Variants in PAPOLA observed in about 807,000 individuals in gnomAD.
PAPOLA encodes poly(A) polymerase alpha, also known as polynucleotide adenylyltransferase alpha.
A neutral mutation model predicts 100.6 loss-of-function variants in PAPOLA; 15 were observed. The ratio of observed to expected loss-of-function variants is 0.15; its 90% CI spans 0.10 to 0.23. The LOEUF is 0.23. PAPOLA is among the 10% of genes least tolerant of loss of function. The pLI is 1.00. For missense variants in PAPOLA, 533 were observed against 884.2 expected, an observed-to-expected ratio of 0.60 and a Z score of 5.04; for synonymous variants, 293 against 300.0, an observed-to-expected ratio of 0.98 and a Z score of 0.24.
intron 3 of PAPOLA, 97 bp from the exon 4 acceptor site, chr14:96,525,213 A>T: frequency 3.0e-6 from 2 of 666,676 alleles, no homozygotes; most frequent in East Asian, 2.9e-5. Context: ...TTTACACTGT[A>T]ATCTTTCTTG....
intron 16 of PAPOLA, among the ~76,000 whole-genome samples, chr14:96,550,387 T>C (rs1261635076): frequency 2.0e-5 from 3 of 152,212 alleles, no homozygotes; most frequent in Non-Finnish European, 4.4e-5. Flanking sequence ...AACCATCTTG[T>C]GTACATTTTA....
intron 1 of PAPOLA, among the ~76,000 whole-genome samples, chr14:96,507,025 G>A (rs1437935098): frequency 6.6e-6 from 1 of 152,140 alleles, no homozygotes; most frequent in Non-Finnish European, 1.5e-5. Flanking sequence ...GCCGAGGTGG[G>A]AGGATTATTT....
chr14:96,542,944 A>G lies in PAPOLA; in HGVS notation c.1289+51A>G, dbSNP rs78156026. On this transcript the variant is annotated intron_variant, in intron 14 of 21. Coordinates refer to ENST00000216277, the MANE Select transcript of PAPOLA (RefSeq NM_032632.5). ...TTCTTCCCATTTCCAATTTTTATTC[A>G]TAGAAGCTTTTACAGGCATTTTTTA... The G allele has an allele frequency of 1.2e-3, 1,919 of 1,595,998 alleles. 16 individuals carry two copies. The African/African-American group carries it at 0.022, about 18-fold the overall frequency.
chr14:96,565,064 G>T lies in PAPOLA; in HGVS notation c.*14G>T. On this transcript the variant is annotated 3_prime_UTR_variant, in exon 22 of 22. Transcript: ENST00000216277. ...TTGAATCGGTAAAAACAACCTCAGG[G>T]GTCCATAAACAATATCTGCCAACTC... 7.5e-7 allele frequency: 1 copy of T among 1,327,390 alleles called. No homozygotes were observed. The highest frequency in any genetic ancestry group is 1.1e-6 in the Non-Finnish European group (1 of 919,286). 82.2% of individuals were successfully genotyped at this position (1,327,390 alleles called of 1,614,324 possible).
intron 14 of PAPOLA, among the ~76,000 whole-genome samples, chr14:96,543,465 A>G (rs1900154978): frequency 6.6e-6 from 1 of 152,210 alleles, no homozygotes; most frequent in African/African-American, 2.4e-5. Flanking sequence ...ATTGGAGAGT[A>G]CTAGTAATGA....
At chr14:96,559,735 A>G (rs1037154576) in intron 19 of PAPOLA, among the ~76,000 whole-genome samples, 2 of 151,400 alleles carry the variant, frequency 1.3e-5, no homozygotes, top group African/African-American at 2.4e-5. Flanking sequence ...ACAGTTAACA[A>G]CTCACAGCCA....
chr14:96,530,896 C>A (rs59323239), intron 6 of PAPOLA, among the ~76,000 whole-genome samples: 16,624 of 151,782 alleles, frequency 0.11, 1,015 homozygotes, highest in South Asian at 0.17. Context: ...CTTACCGCAA[C>A]CTCCGCCTTC....
chr14:96,555,128 CT>C (rs1169624813), intron 17 of PAPOLA, among the ~76,000 whole-genome samples: 1 of 149,824 alleles, frequency 6.7e-6, no homozygotes, highest in African/African-American at 2.5e-5. Flanking sequence ...ACTGGATGGG[CT>C]TTTAGGGTTT....
chr14:96,566,462 G>A lies in PAPOLA; in HGVS notation c.*1412G>A, dbSNP rs945533204. The A allele has an allele frequency of 7.2e-5, 11 of 152,518 alleles. No homozygotes were observed. Among genetic ancestry groups the A allele is most frequent in the African/African-American group, 2.7e-4 (11 of 41,424 alleles). The allele number at this position is 152,518 out of a possible 1,614,324, so 9.4% of individuals were successfully genotyped here. A position where few individuals can be genotyped will look rare whatever the true frequency, so the allele number is the denominator to read the frequency against. On this transcript the variant is annotated 3_prime_UTR_variant, in exon 22 of 22. Coordinates refer to ENST00000216277, the MANE Select transcript of PAPOLA (RefSeq NM_032632.5). ...AGTCGACTTAACAGATTTTTCTGAT[G>A]AGCATGTTTTATGAATCCTCCATTG...
intron 7 of PAPOLA, 45 bp from the exon 8 acceptor site, chr14:96,532,286 G>A (rs200757786): frequency 8.4e-6 from 4 of 473,766 alleles, no homozygotes; most frequent in Non-Finnish European, 1.2e-5. Flanking sequence ...GTTTTGTTTT[G>A]TGTGTGTGTG....
chr14:96,550,936 G>C (rs778630932), intron 16 of PAPOLA, among the ~76,000 whole-genome samples: 27 of 152,146 alleles, frequency 1.8e-4, no homozygotes, highest in Non-Finnish European at 2.1e-4. Flanking sequence ...CATGGGTATT[G>C]TCTTTAGTAG....
intron 2 of PAPOLA, among the ~76,000 whole-genome samples, chr14:96,520,496 C>T (rs200934042): frequency 6.6e-6 from 1 of 152,158 alleles, no homozygotes; most frequent in East Asian, 1.9e-4. Context: ...CTGCCTCAGC[C>T]TCTCGAGTAG....
chr14:96,531,794 A>G (rs1899043395), intron 7 of PAPOLA: 1 of 1,439,812 alleles, frequency 6.9e-7, no homozygotes, highest in Non-Finnish European at 9.0e-7. Context: ...TTCTTCTGTC[A>G]TTAATGGTAT....
chr14:96,507,069 T>C (rs772179116), intron 1 of PAPOLA, among the ~76,000 whole-genome samples: 6 of 152,158 alleles, frequency 3.9e-5, no homozygotes, highest in Non-Finnish European at 8.8e-5. Flanking sequence ...CTGGGTGACA[T>C]AGCCATCTCC....
chr14:96,549,137 C>T (rs566984896), intron 16 of PAPOLA, among the ~76,000 whole-genome samples: 8 of 152,038 alleles, frequency 5.3e-5, no homozygotes, highest in African/African-American at 1.2e-4. Flanking sequence ...ATAATAAATG[C>T]TCATATTGGC....
intron 20 of PAPOLA, among the ~76,000 whole-genome samples, chr14:96,562,101 CCAGG>C (rs1449866136): frequency 2.0e-5 from 3 of 152,056 alleles, no homozygotes; most frequent in Admixed American, 6.6e-5. Context: ...ACCATGTTGG[CCAGG>C]CTGGTCTTGA....
intron 1 of PAPOLA, among the ~76,000 whole-genome samples, chr14:96,506,149 C>G (rs952413022): frequency 2.0e-5 from 3 of 152,164 alleles, no homozygotes; most frequent in Admixed American, 6.5e-5. Flanking sequence ...TGATCCCCCC[C>G]CACCTCGGCC....
At chr14:96,559,629 A>G (rs148742460) in intron 19 of PAPOLA, among the ~76,000 whole-genome samples, 200 of 147,626 alleles carry the variant, frequency 1.4e-3, no homozygotes, top group African/African-American at 4.6e-3. Context: ...ATATATATAT[A>G]TGTGTATATA....
intron 1 of PAPOLA, among the ~76,000 whole-genome samples, chr14:96,518,243 C>T (rs1897630961): frequency 6.6e-6 from 1 of 152,166 alleles, no homozygotes; most frequent in Non-Finnish European, 1.5e-5. Flanking sequence ...TAATTAGTAA[C>T]ACGCAGTATG....
Sources: allele counts gnomAD v4.1 joint callset (sites outside exome capture counted in the v4.1 genomes callset), GRCh38; gene constraint gnomAD v4.1.1; transcripts MANE v1.5; gene names NCBI Gene and HGNC (gene_info 2026-07-23, HGNC 2026-07-21).